CELSR3: variants seen among roughly 807,000 people sequenced by gnomAD.
The protein encoded by CELSR3 is cadherin EGF LAG seven-pass G-type receptor 3.
In CELSR3, 73 loss-of-function variants were observed where a neutral mutation model predicts 270.0. The observed-to-expected ratio is 0.27, with a 90% CI of 0.22 to 0.33. The LOEUF is 0.33. Ranked by LOEUF, CELSR3 falls within the 10% of genes least tolerant of loss-of-function variation. CELSR3 has a pLI of 1.00. For synonymous variants in CELSR3, 1,780 were observed against 1,905.4 expected (o/e 0.93, Z 1.71); for missense variants, 3,614 against 4,533.8 (o/e 0.80, Z 5.83).
chr3:48,649,119 A>G lies in CELSR3; in HGVS notation c.6567+2T>C. 1 of 1,610,740 alleles carries G rather than the reference A, an allele frequency of 6.2e-7. No homozygotes were observed. The highest frequency in any genetic ancestry group is 8.5e-7 in the Non-Finnish European group (1 of 1,178,538). ...TGCAGGAAAAGGTCTGGGCAGTCTCACCAGCAGACTGAGCTCTCGAAAGGC... is the reference window on the plus strand; with the variant it reads ...TGCAGGAAAAGGTCTGGGCAGTCTCGCCAGCAGACTGAGCTCTCGAAAGGC... On this transcript the variant is annotated splice_donor_variant, in intron 17 of 34. Coordinates refer to ENST00000164024, the MANE Select transcript of CELSR3 (RefSeq NM_001407.3). LOFTEE classifies it high-confidence loss of function.
chr3:48,654,894 C>T lies in CELSR3; in HGVS notation c.4988+150G>A. 2.9e-5 allele frequency: 23 copies of T among 793,130 alleles called. No homozygotes were observed. In the South Asian group the frequency reaches 3.8e-4, roughly 13 times the overall value. 49.1% of individuals were successfully genotyped at this position (793,130 alleles called of 1,614,324 possible). A position where few individuals can be genotyped will look rare whatever the true frequency, so the allele number is the denominator to read the frequency against. On this transcript the variant is annotated intron_variant, in intron 6 of 34. Coordinates refer to ENST00000164024, the MANE Select transcript of CELSR3 (RefSeq NM_001407.3). This position sits in a 1 kb window ranked among gnomAD's most constrained non-coding sequence, Gnocchi z 5.4. ...AGGATTGGGGGCTAGGGTGAGTAGGCTTTCAGGGTCTTTGAGAGGAGAGGG... is the reference window on the plus strand; with the variant it reads ...AGGATTGGGGGCTAGGGTGAGTAGGTTTTCAGGGTCTTTGAGAGGAGAGGG...
chr3:48,647,081 G>A (rs911741414), intron 20 of CELSR3, among the ~76,000 whole-genome samples, 153 bp from the exon 21 acceptor site: 1 of 145,264 alleles, frequency 6.9e-6, no homozygotes, highest in African/African-American at 2.6e-5. Flanking sequence ...TAACAGTCAA[G>A]GCCTGGGAGG....
At position 48,641,232 on chromosome 3, in the gene CELSR3, C is replaced by T. The variant is rs939355494; in HGVS notation, c.9025+92G>A. ...CCTAGGTCAGAGTAAGAAGAGCTCT[C>T]AGTTTGGGATGAGGAAGCTGCAATC... On this transcript the variant is annotated intron_variant, in intron 33 of 34. Coordinates refer to ENST00000164024, the MANE Select transcript of CELSR3 (RefSeq NM_001407.3). This position sits in a 1 kb window ranked among gnomAD's most constrained non-coding sequence, Gnocchi z 4.8. The T allele has an allele frequency of 1.2e-6, 1 of 840,960 alleles. No individual in the cohort carries two copies. Among genetic ancestry groups the T allele is most frequent in the African/African-American group, 1.7e-5 (1 of 59,406 alleles). 52.1% of individuals were successfully genotyped at this position (840,960 alleles called of 1,614,324 possible). A position where few individuals can be genotyped will look rare whatever the true frequency, so the allele number is the denominator to read the frequency against.
rs750836613 is a variant in CELSR3, at chr3:48,646,874, G to A, written c.7184C>T (p.Pro2395Leu). ...ENSTTSSVVPPPAPPEPEPGI... is the reference protein window; with the variant it reads ...ENSTTSSVVPLPAPPEPEPGI... The stretch of plus-strand genomic sequence containing the variant: ...AGGCTCTGGCTCTGGCGGGGCTGGT[G>A]GGGGGACCACACTTGAGGTGGTGGA... The change falls in exon 21 of 35, where the codon CCA becomes CTA. Residue 2395 changes from proline to leucine, a missense_variant. This residue lies in a region of CELSR3 where 1,240 missense variants were observed against 1,351.7 expected (regional missense o/e 0.92). Coordinates refer to ENST00000164024, the MANE Select transcript of CELSR3 (RefSeq NM_001407.3). The surrounding 1 kb of genome is among the most constrained non-coding windows in gnomAD (Gnocchi z 4.8). 68 of 1,588,136 alleles carry A rather than the reference G, an allele frequency of 4.3e-5. No individual in the cohort carries two copies. The highest frequency in any genetic ancestry group is 1.5e-4 in the African/African-American group (11 of 73,170).
In CELSR3 at chr3:48,660,435, G is replaced by A. The variant is rs2077058097; in HGVS notation, c.2200C>T (p.Pro734Ser). 3 of 1,613,970 alleles carry A rather than the reference G, an allele frequency of 1.9e-6. No individual in the cohort carries two copies. The highest frequency in any genetic ancestry group is 1.7e-5 in the Admixed American group (1 of 60,008). ...FGVEARDHGSPPLSASASVTV... is the reference protein window; with the variant it reads ...FGVEARDHGSSPLSASASVTV... ...ACACTGGCTGAGGCAGAGAGTGGGG[G>A]TGAGCCATGGTCTCGAGCCTCCACA... The change falls in exon 1 of 35, where the codon CCC becomes TCC. Residue 734 changes from proline (P) to serine (S), a missense_variant. Physicochemically the swap from Pro to Ser is moderately conservative, Grantham distance 74 (BLOSUM62 -1). Coordinates refer to ENST00000164024, the MANE Select transcript of CELSR3 (RefSeq NM_001407.3). The surrounding 1 kb of genome is among the most constrained non-coding windows in gnomAD (Gnocchi z 5.5).
chr3:48,644,148 G>A lies in CELSR3; in HGVS notation c.8165+68C>T, dbSNP rs759632952. On this transcript the variant is annotated intron_variant, in intron 27 of 34. Coordinates refer to ENST00000164024, the MANE Select transcript of CELSR3 (RefSeq NM_001407.3). The surrounding 1 kb of genome is among the most constrained non-coding windows in gnomAD (Gnocchi z 4.8). ...AACCTGCACCAGGGAAGATCTGGGG[G>A]CCCCAGACCCCACCCAGGAGGGACC... The A allele has an allele frequency of 2.1e-6, 3 of 1,421,822 alleles. No individual in the cohort carries two copies. The highest frequency in any genetic ancestry group is 2.0e-6 in the Non-Finnish European group (2 of 1,022,536). The allele number at this position is 1,421,822 out of a possible 1,614,324, so 88.1% of individuals were successfully genotyped here.
chr3:48,650,651 C>T lies in CELSR3; in HGVS notation c.6371-70G>A. The T allele has an allele frequency of 7.8e-7, 1 of 1,278,928 alleles. No individual in the cohort carries two copies. Among genetic ancestry groups the T allele is most frequent in the Non-Finnish European group, 1.1e-6 (1 of 922,044 alleles). 79.2% of individuals were successfully genotyped at this position (1,278,928 alleles called of 1,614,324 possible). A position where few individuals can be genotyped will look rare whatever the true frequency, so the allele number is the denominator to read the frequency against. Reference sequence around the variant, plus strand: ...CAGTTGACAGCCACACCCACTGCCCCTCCACCACCCCCCACAAGGCCCACT... The same window carrying T: ...CAGTTGACAGCCACACCCACTGCCCTTCCACCACCCCCCACAAGGCCCACT... On this transcript the variant is annotated intron_variant, in intron 15 of 34. Transcript: ENST00000164024. This position sits in a 1 kb window ranked among gnomAD's most constrained non-coding sequence, Gnocchi z 5.1.
Position 48,661,468 on chromosome 3 carries a change from T to C in CELSR3, c.1167A>G (p.Ala389=). Residue 389 remains alanine (A), a synonymous_variant, in exon 1 of 35, where the codon GCA becomes GCG. Coordinates refer to ENST00000164024, the MANE Select transcript of CELSR3 (RefSeq NM_001407.3). The part of the protein sequence containing the change: ...DPQSGLIRTA[A]ALDRESMERH... ...GCTCCATGCTCTCGCGGTCCAGAGC[T>C]GCCGCCGTACGGATAAGGCCGCTCT... The C allele has an allele frequency of 1.2e-6, 2 of 1,608,040 alleles. No individual in the cohort carries two copies. The highest frequency in any genetic ancestry group is 1.7e-6 in the Non-Finnish European group (2 of 1,177,584).
At position 48,640,466 on chromosome 3, in the gene CELSR3, C is replaced by T. The variant is rs780215980; in HGVS notation, c.9119G>A (p.Arg3040His). 1.1e-5 allele frequency: 17 copies of T among 1,612,236 alleles called. No homozygotes were observed. Among genetic ancestry groups the T allele is most frequent in the South Asian group, 2.2e-5 (2 of 91,058 alleles). ...SWCRAATLGH[R>H]AVPAASYGRI... ...ACCGTAAGAGGCAGCTGGCACAGCA[C>T]GGTGGCCCAAGGTGGCTGCACGGCA... The change falls in exon 34 of 35, where the codon CGT becomes CAT. Residue 3040 changes from arginine (R) to histidine (H), a missense_variant. This residue lies in a region of CELSR3 where 1,240 missense variants were observed against 1,351.7 expected (regional missense o/e 0.92). Transcript: ENST00000164024. The surrounding 1 kb of genome is among the most constrained non-coding windows in gnomAD (Gnocchi z 7.5).
Position 48,641,398 on chromosome 3 carries a change from T to C in CELSR3, c.8951A>G (p.Asn2984Ser). Residue 2984 changes from asparagine (N) to serine (S), a missense_variant, in exon 33 of 35, where the codon AAC becomes AGC. Asn to Ser is a conservative substitution (Grantham distance 46). Transcript: ENST00000164024. This position sits in a 1 kb window ranked among gnomAD's most constrained non-coding sequence, Gnocchi z 4.8. ...LGLDTSKDAANNNQPDPALTS... is the reference protein window; with the variant it reads ...LGLDTSKDAASNNQPDPALTS... Reference sequence around the variant, plus strand: ...CAGGGCCGGGTCTGGCTGGTTGTTGTTAGCTGCATCCTTGCTGGTGTCCAG... The same window carrying C: ...CAGGGCCGGGTCTGGCTGGTTGTTGCTAGCTGCATCCTTGCTGGTGTCCAG... 6.2e-7 allele frequency: 1 copy of C among 1,612,462 alleles called. No homozygotes were observed. The highest frequency in any genetic ancestry group is 1.7e-4 in the Middle Eastern group (1 of 6,008).
Position 48,644,049 on chromosome 3 carries a change from T to A in CELSR3, c.8165+167A>T. On this transcript the variant is annotated intron_variant, in intron 27 of 34. Transcript: ENST00000164024. The surrounding 1 kb of genome is among the most constrained non-coding windows in gnomAD (Gnocchi z 4.8). ...CAGAAGCACATGTGGGGCTACAGTATAGCGAGGGCGCCAGAGAGGGACCAC... is the reference window on the plus strand; with the variant it reads ...CAGAAGCACATGTGGGGCTACAGTAAAGCGAGGGCGCCAGAGAGGGACCAC... 4 of 620,360 alleles carry A rather than the reference T, an allele frequency of 6.4e-6. No individual in the cohort carries two copies. Among genetic ancestry groups the A allele is most frequent in the Non-Finnish European group, 8.7e-6 (3 of 345,800 alleles). The allele number at this position is 620,360 out of a possible 1,614,324, so 38.4% of individuals were successfully genotyped here. A position where few individuals can be genotyped will look rare whatever the true frequency, so the allele number is the denominator to read the frequency against.
Position 48,652,458 on chromosome 3 carries a change from C to G in CELSR3, c.5730G>C (p.Gln1910His). 6.2e-7 allele frequency: 1 copy of G among 1,613,848 alleles called. No homozygotes were observed. The highest frequency in any genetic ancestry group is 8.5e-7 in the Non-Finnish European group (1 of 1,179,936). Residue 1910 changes from glutamine (Q) to histidine (H), a missense_variant, in exon 11 of 35, where the codon CAG becomes CAC. This residue lies in a region of CELSR3 where 1,331 missense variants were observed against 1,933.7 expected (regional missense o/e 0.69). Transcript: ENST00000164024. This position sits in a 1 kb window ranked among gnomAD's most constrained non-coding sequence, Gnocchi z 4.3. ...CCACCTGGATGCAGCCAACCAGACC[C>G]TGAGGAGCCTCCTCTGCACTGCCGG... ...LPPGSAEEAP[Q>H]GLVGCIQGVW...
chr3:48,646,030 C>CT lies in CELSR3; in HGVS notation c.7463+59dup. 3.8e-6 allele frequency: 6 copies of CT among 1,598,168 alleles called. No individual in the cohort carries two copies. The highest frequency in any genetic ancestry group is 5.1e-6 in the Non-Finnish European group (6 of 1,170,212). ...TGGGGGCCCCAGGGGAAGGCTGGGA[C>CT]TATTAGTTGGCCTCCCAAGGGCTAA... is the stretch of plus-strand genomic sequence containing the variant. On this transcript the variant is annotated intron_variant, in intron 22 of 34. Coordinates refer to ENST00000164024, the MANE Select transcript of CELSR3 (RefSeq NM_001407.3). The surrounding 1 kb of genome is among the most constrained non-coding windows in gnomAD (Gnocchi z 4.8).
chr3:48,645,852 C>T lies in CELSR3; in HGVS notation c.7480G>A (p.Val2494Met), dbSNP rs375942711. ...DPPGLAEQHG[V>M]WTARDCELVH... ...AGCTCGCAGTCCCGTGCTGTCCACA[C>T]ACCATGCTGCTCCGCCCTGCAGCCA... The change falls in exon 23 of 35, where the codon GTG becomes ATG. Residue 2494 changes from valine to methionine, a missense_variant. Physicochemically the swap from Val to Met is conservative, Grantham distance 21. This residue lies in a region of CELSR3 where 1,240 missense variants were observed against 1,351.7 expected (regional missense o/e 0.92). Coordinates refer to ENST00000164024, the MANE Select transcript of CELSR3 (RefSeq NM_001407.3). This position sits in a 1 kb window ranked among gnomAD's most constrained non-coding sequence, Gnocchi z 5.4. 3 of 1,604,218 alleles carry T rather than the reference C, an allele frequency of 1.9e-6. No individual in the cohort carries two copies. Among genetic ancestry groups the T allele is most frequent in the African/African-American group, 2.7e-5 (2 of 74,828 alleles).
rs113011530 is a variant in CELSR3 at position 48,639,572 on chromosome 3, C to T, written c.9911+102G>A. The T allele has an allele frequency of 1.0e-5, 15 of 1,493,124 alleles. 1 individual carries two copies. In the African/African-American group the frequency reaches 1.5e-4, roughly 15 times the overall value. The allele number at this position is 1,493,124 out of a possible 1,614,324, so 92.5% of individuals were successfully genotyped here. ...TGAGCCTGGGGTAGCCCACACCTGT[C>T]TGCCAGCCCTCATCCCCTTCTGTGG... On this transcript the variant is annotated intron_variant, in intron 34 of 34. Coordinates refer to ENST00000164024, the MANE Select transcript of CELSR3 (RefSeq NM_001407.3). This position sits in a 1 kb window ranked among gnomAD's most constrained non-coding sequence, Gnocchi z 4.1.
chr3:48,643,245 G>T, intron 28 of CELSR3, 162 bp from the exon 29 acceptor site: 1 of 635,292 alleles, frequency 1.6e-6, no homozygotes, highest in Non-Finnish European at 2.8e-6. Flanking sequence ...CAGCAGGGGA[G>T]AGGATGGAGC....
At chr3:48,643,770 C>T (rs147869767) in intron 27 of CELSR3, 93 bp from the exon 28 acceptor site, 9 of 1,429,034 alleles carry the variant, frequency 6.3e-6, no homozygotes, top group East Asian at 2.5e-5. Flanking sequence ...GGGCCACACA[C>T]GAAACGTGAA....
rs552297183 is a variant in CELSR3, at chr3:48,659,615, T to C, written c.3020A>G (p.Asp1007Gly). ...GGTGGGCTCAATGGTAAAATCTCCA[T>C]CCCCATCTTCACCATTCTGGAAAGT... ...QYTFQNGEDG[D>G]GDFTIEPTSG... is the part of the protein sequence containing the mutation. The change falls in exon 1 of 35, where the codon GAT becomes GGT. Residue 1007 changes from aspartate to glycine, a missense_variant. By Grantham distance (94) the Asp-to-Gly change is moderately conservative. Coordinates refer to ENST00000164024, the MANE Select transcript of CELSR3 (RefSeq NM_001407.3). The surrounding 1 kb of genome is among the most constrained non-coding windows in gnomAD (Gnocchi z 8.1). 2 of 1,614,184 alleles carry C rather than the reference T, an allele frequency of 1.2e-6. No individual in the cohort carries two copies. The highest frequency in any genetic ancestry group is 1.3e-5 in the African/African-American group (1 of 75,050).
At position 48,652,905 on chromosome 3, in the gene CELSR3, G is replaced by A. The variant is rs1458672755; in HGVS notation, c.5634+97C>T. On this transcript the variant is annotated intron_variant, in intron 10 of 34. Transcript: ENST00000164024. The surrounding 1 kb of genome is among the most constrained non-coding windows in gnomAD (Gnocchi z 4.3). ...GGTAGAACATCAGACTCAGTGCAGT[G>A]GAGGGAACTGAGAGGAGCTGGACTA... The A allele has an allele frequency of 1.0e-5, 10 of 1,004,660 alleles. No individual in the cohort carries two copies. In the Admixed American group the frequency reaches 1.7e-4, roughly 17 times the overall value. The allele number at this position is 1,004,660 out of a possible 1,614,324, so 62.2% of individuals were successfully genotyped here.
Sources: allele counts gnomAD v4.1 joint callset (sites outside exome capture counted in the v4.1 genomes callset), GRCh38; gene constraint gnomAD v4.1.1; regional missense constraint gnomAD v4.1.1; non-coding constraint Gnocchi (gnomAD v3.1); transcripts MANE v1.5; gene names NCBI Gene and HGNC (gene_info 2026-07-23, HGNC 2026-07-21).